The following LRP1B variants were observed in gnomAD, a reference collection of about 807,000 sequenced individuals.
LRP1B encodes LDL receptor related protein 1B, also known as low-density lipoprotein receptor-related protein 1B.
Under a neutral mutation model 556.6 loss-of-function variants are expected in LRP1B, and 217 were observed. That is an observed-to-expected ratio of 0.39 (90% CI 0.35 to 0.44). LRP1B has a LOEUF of 0.44. LRP1B is among the 20% of genes least tolerant of loss of function. LRP1B has a pLI of 1.00. For missense variants in LRP1B, 5,053 were observed against 5,620.8 expected (o/e 0.90, Z 3.23); for synonymous variants, 2,047 against 1,865.8 (o/e 1.10, Z -2.50).
At chr2:140,461,633 G>A (rs1265199832) in intron 60 of LRP1B, among the ~76,000 whole-genome samples, 3 of 151,896 alleles carry the variant, frequency 2.0e-5, no homozygotes, top group African/African-American at 4.8e-5. Context: ...TCAGGAGTTC[G>A]AAACCAGCCT....
At chr2:140,454,021 A>G (rs1686985447) in intron 62 of LRP1B, among the ~76,000 whole-genome samples, 1 of 152,236 alleles carries the variant, frequency 6.6e-6, no homozygotes, top group Admixed American at 6.5e-5. Context: ...TACAAGAGAT[A>G]TATTTTCCTC....
intron 1 of LRP1B, among the ~76,000 whole-genome samples, chr2:141,938,465 AGG>A (rs1475655642): frequency 6.6e-6 from 1 of 152,180 alleles, no homozygotes; most frequent in Non-Finnish European, 1.5e-5. Flanking sequence ...TGTGAAGAAA[AGG>A]GAACCTTTGT....
intron 11 of LRP1B, among the ~76,000 whole-genome samples, chr2:141,044,419 A>T (rs1337201878): frequency 0.01 from 1,574 of 151,148 alleles, 27 homozygotes; most frequent in African/African-American, 0.036. Flanking sequence ...AATTGACAAA[A>T]GGGATCTAAT....
At chr2:140,804,648 AATTTT>A (rs1690647149) in intron 32 of LRP1B, among the ~76,000 whole-genome samples, 2 of 103,934 alleles carry the variant, frequency 1.9e-5, no homozygotes, top group Non-Finnish European at 3.8e-5. Flanking sequence ...GGTAAAAACT[AATTTT>A]TTTTTTTTTT....
intron 66 of LRP1B, among the ~76,000 whole-genome samples, chr2:140,430,183 C>T (rs984631626): frequency 6.6e-6 from 1 of 152,172 alleles, no homozygotes; most frequent in Non-Finnish European, 1.5e-5. Flanking sequence ...GCTGTAGTAT[C>T]TTCCACATCT....
intron 83 of LRP1B, among the ~76,000 whole-genome samples, chr2:140,300,659 G>C (rs1683783387): frequency 6.6e-6 from 1 of 152,068 alleles, no homozygotes; most frequent in African/African-American, 2.4e-5. Flanking sequence ...CTAAGAATAA[G>C]GTTTTCAGAC....
chr2:140,417,767 C>T (rs1685262915), intron 66 of LRP1B, among the ~76,000 whole-genome samples: 1 of 152,132 alleles, frequency 6.6e-6, no homozygotes, highest in Admixed American at 6.5e-5. Flanking sequence ...GAAATGTTGG[C>T]TAGCCAAAAA....
chr2:141,014,142 G>C (rs1262943222), intron 13 of LRP1B, among the ~76,000 whole-genome samples: 2 of 152,030 alleles, frequency 1.3e-5, no homozygotes, highest in African/African-American at 2.4e-5. Flanking sequence ...ATAATCATGT[G>C]TATTACAAAA....
chr2:142,063,668 A>C (rs1338454109), intron 1 of LRP1B, among the ~76,000 whole-genome samples: 1 of 151,638 alleles, frequency 6.6e-6, no homozygotes, highest in African/African-American at 2.4e-5. Flanking sequence ...ACTGTTTAAT[A>C]CCTAGAAATT....
At chr2:142,005,872 C>G (rs1204469817) in intron 1 of LRP1B, among the ~76,000 whole-genome samples, 1 of 145,964 alleles carries the variant, frequency 6.9e-6, no homozygotes, top group Admixed American at 7.1e-5. Context: ...TCCTCTTTCT[C>G]TTTATCCTCT....
intron 3 of LRP1B, among the ~76,000 whole-genome samples, chr2:141,450,513 T>G (rs1354138655): frequency 6.6e-6 from 1 of 151,880 alleles, no homozygotes; most frequent in Non-Finnish European, 1.5e-5. Flanking sequence ...CATAACATCA[T>G]CAACTTCATC....
intron 2 of LRP1B, among the ~76,000 whole-genome samples, chr2:141,656,020 A>C (rs1313764756): frequency 6.6e-6 from 1 of 152,132 alleles, no homozygotes; most frequent in Admixed American, 6.5e-5. Context: ...CATTATAGAA[A>C]GCTTATGAGA....
chr2:141,840,365 G>A (rs1697426365), intron 1 of LRP1B, among the ~76,000 whole-genome samples: 1 of 139,390 alleles, frequency 7.2e-6, no homozygotes, highest in Non-Finnish European at 1.5e-5. Flanking sequence ...CCGGGTTCAC[G>A]CCATTCTCCT....
chr2:141,663,939 A>AC (rs1690323814), intron 2 of LRP1B, among the ~76,000 whole-genome samples: 1 of 151,690 alleles, frequency 6.6e-6, no homozygotes, highest in Admixed American at 6.6e-5. Context: ...AAAAAAAACA[A>AC]AAACACAAAA....
chr2:142,080,127 A>C (rs969967599), intron 1 of LRP1B, among the ~76,000 whole-genome samples: 1 of 152,220 alleles, frequency 6.6e-6, no homozygotes, highest in African/African-American at 2.4e-5. Flanking sequence ...AAGAACATCA[A>C]GACATAAAAT....
At chr2:140,992,372 G>A (rs1697119099) in intron 16 of LRP1B, among the ~76,000 whole-genome samples, 1 of 151,998 alleles carries the variant, frequency 6.6e-6, no homozygotes, top group Admixed American at 6.6e-5. Flanking sequence ...CCATAGAGGA[G>A]GTCAGTTTTC....
chr2:140,336,996 A>G (rs1426428033), intron 77 of LRP1B, among the ~76,000 whole-genome samples: 1 of 151,904 alleles, frequency 6.6e-6, no homozygotes, highest in Non-Finnish European at 1.5e-5. Flanking sequence ...CCTGAGAAGC[A>G]GTGGAAATAT....
At chr2:141,077,073 C>T (rs1203838064) in intron 7 of LRP1B, among the ~76,000 whole-genome samples, 2 of 152,010 alleles carry the variant, frequency 1.3e-5, no homozygotes, top group African/African-American at 4.8e-5. Context: ...GGTGAAACCC[C>T]GGCTTTACTA....
At position 141,812,187 on chromosome 2, in the gene LRP1B, C is replaced by T. The variant is rs190241712; in HGVS notation, c.83-1786G>A. On this transcript the variant is annotated intron_variant, in intron 1 of 90. Coordinates refer to ENST00000389484, the MANE Select transcript of LRP1B (RefSeq NM_018557.3). The stretch of plus-strand genomic sequence containing the variant: ...GCTTACATTTTGCTTTAGGCTGTCA[C>T]ATAACTTTTGAAGTTAATGTAGAGA... Among the ~76,000 whole-genome samples, 8 of 152,136 alleles carry T rather than the reference C, an allele frequency of 5.3e-5. No individual in the cohort carries two copies. In the East Asian group the frequency reaches 1.5e-3, roughly 29 times the overall value.
Sources: gnomAD v4.1 joint callset for allele counts (sites outside exome capture counted in the v4.1 genomes callset) on GRCh38, gnomAD v4.1.1 for gene constraint, MANE v1.5 for transcripts, NCBI Gene and HGNC (gene_info 2026-07-23, HGNC 2026-07-21) for gene names.